TBC1D5: variants seen among roughly 807,000 people sequenced by gnomAD.
The protein encoded by TBC1D5 is TBC1 domain family member 5.
TBC1D5 carries 75 observed loss-of-function variants against 100.3 expected under a neutral mutation model. The observed-to-expected ratio is 0.75, with a 90% CI of 0.62 to 0.91. The LOEUF (loss-of-function observed/expected upper bound fraction) is 0.91. Among genes scored for constraint, TBC1D5 ranks in the 40% least tolerant of loss-of-function variants. TBC1D5 has a pLI of 0.00. For missense variants in TBC1D5, 910 were observed against 942.4 expected, an observed-to-expected ratio of 0.97 and a Z score of 0.45; for synonymous variants, 323 against 325.6, an observed-to-expected ratio of 0.99 and a Z score of 0.09.
chr3:17,288,469 C>T (rs555589808), intron 15 of TBC1D5, among the ~76,000 whole-genome samples: 1 of 152,264 alleles, frequency 6.6e-6, no homozygotes, highest in South Asian at 2.1e-4. Context: ...GTTTGCCATG[C>T]TTTTCTGATT....
At chr3:17,495,697 A>T (rs752451521) in intron 3 of TBC1D5, among the ~76,000 whole-genome samples, 5 of 152,236 alleles carry the variant, frequency 3.3e-5, no homozygotes, top group African/African-American at 7.2e-5. Flanking sequence ...GAGCTTTTTC[A>T]TAGGCTATTA....
intron 3 of TBC1D5, among the ~76,000 whole-genome samples, chr3:17,460,818 A>G (rs995488637): frequency 1.3e-5 from 2 of 152,146 alleles, no homozygotes; most frequent in Non-Finnish European, 2.9e-5. Context: ...AAAAAAATTA[A>G]CTTCAATATA....
chr3:17,398,656 T>A (rs1197837746), intron 8 of TBC1D5, among the ~76,000 whole-genome samples: 1 of 152,118 alleles, frequency 6.6e-6, no homozygotes, highest in Non-Finnish European at 1.5e-5. Flanking sequence ...AAGGGTTTAC[T>A]ACTAGGTTTG....
rs367580223 is a variant in TBC1D5, at chr3:17,270,232, C to A, written c.1246-11641G>T. ...ATCTCACTACAGATTTGATTTGCAT[C>A]TCTGATGATCAGTGATGTTGAGCAT... On this transcript the variant is annotated intron_variant, in intron 15 of 21. Transcript: ENST00000253692. Among the ~76,000 whole-genome samples, 18 of 152,214 alleles carry A rather than the reference C, an allele frequency of 1.2e-4. No individual in the cohort carries two copies. In the South Asian group the frequency reaches 2.1e-3, roughly 18 times the overall value.
chr3:17,672,223 T>C (rs1308551762), intron 1 of TBC1D5, among the ~76,000 whole-genome samples: 1 of 152,196 alleles, frequency 6.6e-6, no homozygotes, highest in Non-Finnish European at 1.5e-5. Context: ...AAAATTAAAT[T>C]AGCTGAACTG....
intron 18 of TBC1D5, among the ~76,000 whole-genome samples, chr3:17,186,710 C>CAAAAAAAAAAAAA (rs58438478): frequency 2.6e-4 from 7 of 27,272 alleles, no homozygotes; most frequent in East Asian, 3.5e-3. Flanking sequence ...ACTCTATCTC[C>CAAAAAAAAAAAAA]AAAAAAAAAA....
intron 19 of TBC1D5, among the ~76,000 whole-genome samples, chr3:17,173,044 C>A (rs549194104): frequency 2.6e-5 from 4 of 152,282 alleles, no homozygotes; most frequent in African/African-American, 7.2e-5. Context: ...GAGCACCACA[C>A]CTAAGCCCAC....
intron 17 of TBC1D5, among the ~76,000 whole-genome samples, chr3:17,230,076 T>C (rs2075282619): frequency 6.6e-6 from 1 of 152,192 alleles, no homozygotes; most frequent in African/African-American, 2.4e-5. Flanking sequence ...TTCAGGTCTA[T>C]CACATCTCAA....
rs1476055971 is a variant in TBC1D5 at position 17,460,411 on chromosome 3, T to C, written c.98-31892A>G. ...CTTTCTAAAACAATTCCTATTTCTG[T>C]AGCTAATGCTCAAATGGTTATTACG... is the stretch of plus-strand genomic sequence containing the variant. On this transcript the variant is annotated intron_variant, in intron 3 of 21. Coordinates refer to ENST00000253692, the Ensembl canonical transcript of TBC1D5. Among the ~76,000 whole-genome samples, 5 of 152,178 alleles carry C rather than the reference T, an allele frequency of 3.3e-5. No homozygotes were observed. In the East Asian group the frequency reaches 9.6e-4, roughly 29 times the overall value.
At chr3:17,247,292 T>C (rs2076815548) in intron 16 of TBC1D5, among the ~76,000 whole-genome samples, 1 of 152,212 alleles carries the variant, frequency 6.6e-6, no homozygotes, top group Admixed American at 6.5e-5. Flanking sequence ...TATTATGAGT[T>C]CTGTTCTAGA....
rs371817881 is a variant in TBC1D5, at chr3:17,473,647, G to A, written c.97+34827C>T. Among the ~76,000 whole-genome samples, 16 of 152,236 alleles carry A rather than the reference G, an allele frequency of 1.1e-4. No individual in the cohort carries two copies. The East Asian group carries it at 1.7e-3, about 17-fold the overall frequency. ...TCTTCTCTCTTCCAAAAAGCTAACC[G>A]CAGGTTCTGGCCACAAGTCAGTAAA... is the stretch of plus-strand genomic sequence containing the variant. On this transcript the variant is annotated intron_variant, in intron 3 of 21. Transcript: ENST00000253692.
chr3:17,254,864 T>C (rs2596645), intron 16 of TBC1D5, among the ~76,000 whole-genome samples: 59,521 of 150,638 alleles, frequency 0.4, 12,474 homozygotes, highest in Middle Eastern at 0.49. Context: ...AGGAAAAAGG[T>C]TGGAGTCAAA....
At chr3:17,669,849 A>G (rs7644448) in intron 1 of TBC1D5, among the ~76,000 whole-genome samples, 4 of 152,148 alleles carry the variant, frequency 2.6e-5, no homozygotes, top group Admixed American at 6.5e-5. Flanking sequence ...TTCAAGGTAT[A>G]TATCTTTAAC....
intron 1 of TBC1D5, among the ~76,000 whole-genome samples, chr3:17,728,982 A>G (rs1048997223): frequency 6.7e-6 from 1 of 149,820 alleles, no homozygotes; most frequent in Non-Finnish European, 1.5e-5. Context: ...GCATAGAGTT[A>G]AAGATACAAT....
chr3:17,158,496 A>G (rs1055775731), exon 22 of TBC1D5: 4 of 152,248 alleles, frequency 2.6e-5, no homozygotes, highest in Admixed American at 2.0e-4. Context: ...CACTTAAAAA[A>G]CATAAGGCAG....
intron 17 of TBC1D5, 41 bp downstream of exon 18, chr3:17,233,644 G>C: frequency 8.1e-7 from 1 of 1,228,978 alleles, no homozygotes; most frequent in Non-Finnish European, 1.1e-6. Context: ...TAATACTGTA[G>C]GCAAAGAAAA....
chr3:17,334,536 A>C (rs1291853878), intron 13 of TBC1D5, among the ~76,000 whole-genome samples: 1 of 152,154 alleles, frequency 6.6e-6, no homozygotes, highest in Non-Finnish European at 1.5e-5. Flanking sequence ...CAGAGCTATG[A>C]AAATGGTGGG....
At chr3:17,517,602 T>C (rs926154695) in intron 2 of TBC1D5, among the ~76,000 whole-genome samples, 2 of 152,128 alleles carry the variant, frequency 1.3e-5, no homozygotes, top group Non-Finnish European at 1.5e-5. Context: ...TATCCTTCCA[T>C]ACATTACAAA....
chr3:17,577,156 A>G (rs893329636), intron 2 of TBC1D5, among the ~76,000 whole-genome samples: 8 of 152,010 alleles, frequency 5.3e-5, no homozygotes, highest in African/African-American at 1.9e-4. Flanking sequence ...TAAGCCCTCT[A>G]TCACAGACAT....
Sources: allele counts gnomAD v4.1 joint callset (sites outside exome capture counted in the v4.1 genomes callset), GRCh38; gene constraint gnomAD v4.1.1; transcripts MANE v1.5; gene names NCBI Gene and HGNC (gene_info 2026-07-23, HGNC 2026-07-21).